SSH3: variants seen among roughly 807,000 people sequenced by gnomAD.
The protein encoded by SSH3 is slingshot protein phosphatase 3, also known as protein phosphatase Slingshot homolog 3.
SSH3 carries 67 observed loss-of-function variants against 75.0 expected under a neutral mutation model. That is an observed-to-expected ratio of 0.89 (90% CI 0.73 to 1.10). The LOEUF (loss-of-function observed/expected upper bound fraction) is 1.10, where lower values mean the gene tolerates loss of function less well. Among genes scored for constraint, SSH3 ranks in the 50% least tolerant of loss-of-function variants. The pLI, the probability that SSH3 is intolerant of heterozygous loss-of-function variation, is 0.00. For synonymous variants in SSH3, 318 were observed against 349.2 expected, an observed-to-expected ratio of 0.91 and a Z score of 1.00; for missense variants, 824 against 872.7, an observed-to-expected ratio of 0.94 and a Z score of 0.70.
Position 67,307,414 on chromosome 11 carries a change from C to T in SSH3, c.580C>T (p.Pro194Ser), listed in dbSNP as rs1861276529. 5 of 1,614,040 alleles carry T rather than the reference C, an allele frequency of 3.1e-6. No homozygotes were observed. The highest frequency in any genetic ancestry group is 4.2e-6 in the Non-Finnish European group (5 of 1,180,022). Reference protein sequence around the residue: ...TSGGQSRIFKPISIQTMWATL... With the variant: ...TSGGQSRIFKSISIQTMWATL... ...TGGTGGGCAAAGCCGGATCTTCAAG[C>T]CCATCTCCATCCAGACCATGTGGTA... The change falls in exon 6 of 14, where the codon CCC becomes TCC. Residue 194 changes from proline (P) to serine (S), a missense_variant. Physicochemically the swap from Pro to Ser is moderately conservative, Grantham distance 74. Coordinates refer to ENST00000308127, the MANE Select transcript of SSH3 (RefSeq NM_017857.4). The surrounding 1 kb of genome is among the most constrained non-coding windows in gnomAD (Gnocchi z 4.2).
At position 67,312,057 on chromosome 11, in the gene SSH3, C is replaced by T. The variant is rs1201623601; in HGVS notation, c.*170C>T. On this transcript the variant is annotated 3_prime_UTR_variant, in exon 14 of 14. Transcript: ENST00000308127. ...ACGGCCTCACCTCCCACCCCTGTCACTACAGCCTCACCTCCTACAGCCTTA... is the reference window on the plus strand; with the variant it reads ...ACGGCCTCACCTCCCACCCCTGTCATTACAGCCTCACCTCCTACAGCCTTA... 3.5e-6 allele frequency: 3 copies of T among 865,522 alleles called. No individual in the cohort carries two copies. The highest frequency in any genetic ancestry group is 7.3e-5 in the Admixed American group (2 of 27,500). The allele number at this position is 865,522 out of a possible 1,614,324, so 53.6% of individuals were successfully genotyped here.
At position 67,304,988 on chromosome 11, in the gene SSH3, C is replaced by G; in HGVS notation, c.320C>G (p.Pro107Arg). 1 of 1,611,624 alleles carries G rather than the reference C, an allele frequency of 6.2e-7. No individual in the cohort carries two copies. The highest frequency in any genetic ancestry group is 8.5e-7 in the Non-Finnish European group (1 of 1,179,564). ...HLHLMVQLLR[P>R]QDDIRLAAQL... The stretch of plus-strand genomic sequence containing the variant: ...CACCTCATGGTACAGCTGCTGAGGC[C>G]GCAGGATGACATCCGCCTGGTGAGG... The change falls in exon 3 of 14, where the codon CCG becomes CGG. Residue 107 changes from proline (P) to arginine (R), a missense_variant. Pro to Arg is a moderately radical substitution (Grantham distance 103). Coordinates refer to ENST00000308127, the MANE Select transcript of SSH3 (RefSeq NM_017857.4).
chr11:67,309,362 C>T (rs963263337), intron 10 of SSH3, 35 bp from the exon 11 acceptor site: 1 of 1,613,114 alleles, frequency 6.2e-7, no homozygotes, highest in Non-Finnish European at 8.5e-7. Flanking sequence ...GGTACCTCTG[C>T]CCACATCAGC....
intron 3 of SSH3, among the ~76,000 whole-genome samples, chr11:67,305,278 C>T (rs1328239753): frequency 6.6e-6 from 1 of 151,990 alleles, no homozygotes; most frequent in Non-Finnish European, 1.5e-5. Flanking sequence ...GTTCCACCTC[C>T]CGGGTTCACA....
chr11:67,310,964 T>C (rs923805599), intron 13 of SSH3, among the ~76,000 whole-genome samples: 9 of 152,170 alleles, frequency 5.9e-5, no homozygotes, highest in Non-Finnish European at 1.0e-4. Context: ...CCTGCCTAAG[T>C]CAGCACCCTT....
In SSH3 at chr11:67,311,970, C is replaced by T. The variant is rs1046486929; in HGVS notation, c.*83C>T. 14 of 1,560,840 alleles carry T rather than the reference C, an allele frequency of 9.0e-6. 1 individual carries two copies. The Admixed American group carries it at 2.9e-4, about 32-fold the overall frequency. On this transcript the variant is annotated 3_prime_UTR_variant, in exon 14 of 14. Transcript: ENST00000308127. ...AAACACCCTCACGTCTGTTGCCGCA[C>T]ACATTCCTCTCAGCTCCGCCCCATA...
chr11:67,304,808 G>C lies in SSH3; in HGVS notation c.140G>C (p.Gly47Ala). 1.2e-6 allele frequency: 2 copies of C among 1,611,992 alleles called. No individual in the cohort carries two copies. The highest frequency in any genetic ancestry group is 1.7e-6 in the Non-Finnish European group (2 of 1,179,312). The change falls in exon 3 of 14, where the codon GGA becomes GCA. Residue 47 changes from glycine to alanine, a missense_variant. Coordinates refer to ENST00000308127, the MANE Select transcript of SSH3 (RefSeq NM_017857.4). ...GCGGTGCTCCGTGGGGCTGTCCTGG[G>C]ACTGCAGGATGGAGGGGACAATGAT... Reference protein sequence around the residue: ...SFAVLRGAVLGLQDGGDNDDA... With the variant: ...SFAVLRGAVLALQDGGDNDDA...
In SSH3 at chr11:67,309,479, G is replaced by T. The variant is rs774957773; in HGVS notation, c.1144G>T (p.Asp382Tyr). The change falls in exon 11 of 14, where the codon GAT becomes TAT. Residue 382 changes from aspartate (D) to tyrosine (Y), a missense_variant. Asp to Tyr is a radical substitution (Grantham distance 160). Coordinates refer to ENST00000308127, the MANE Select transcript of SSH3 (RefSeq NM_017857.4). ...RFTYHNVRLW[D>Y]EESAQLLPHW... is the part of the protein sequence containing the mutation. ...CACCTACCACAATGTGCGCCTCTGG[G>T]ATGAGGAGTCGGCCCAGCTGCTGCC... The T allele has an allele frequency of 6.2e-6, 10 of 1,614,180 alleles. No homozygotes were observed. Among genetic ancestry groups the T allele is most frequent in the Non-Finnish European group, 8.5e-6 (10 of 1,180,050 alleles).
At position 67,303,648 on chromosome 11, in the gene SSH3, G is replaced by C. The variant is rs1173733184; in HGVS notation, c.23G>C (p.Arg8Pro). 3.3e-6 allele frequency: 5 copies of C among 1,513,886 alleles called. No individual in the cohort carries two copies. Among genetic ancestry groups the C allele is most frequent in the East Asian group, 2.7e-5 (1 of 37,712 alleles). 93.8% of individuals were successfully genotyped at this position (1,513,886 alleles called of 1,614,324 possible). ...TCCATGGCCCTGGTCACAGTGAGCC[G>C]TTCGCCCCCGGGCAGCGGCGCCTCC... Reference protein sequence around the residue: MALVTVSRSPPGSGASTP... With the variant: MALVTVSPSPPGSGASTP... The change falls in exon 1 of 14, where the codon CGT (arginine) becomes CCT (proline). Residue 8 changes from arginine to proline, a missense_variant. Transcript: ENST00000308127.
In SSH3 at chr11:67,306,853, G is replaced by C; in HGVS notation, c.355G>C (p.Ala119Pro). 1 of 1,611,708 alleles carries C rather than the reference G, an allele frequency of 6.2e-7. No individual in the cohort carries two copies. Residue 119 changes from alanine (A) to proline (P), a missense_variant, in exon 4 of 14, where the codon GCA becomes CCA. Transcript: ENST00000308127. ...CTCCCCCCAGGCAGCCCAGCTGGAG[G>C]CACCCCGGCCTCCCCGGCTCCGCTA... ...DDIRLAAQLE[A>P]PRPPRLRYLL...
chr11:67,306,309 C>T (rs1421432068), intron 3 of SSH3, among the ~76,000 whole-genome samples: 1 of 148,302 alleles, frequency 6.7e-6, no homozygotes, highest in East Asian at 2.0e-4. Flanking sequence ...AAAGAAAAAA[C>T]CTCCTTCTTG....
At chr11:67,304,300 T>C (rs1861164121) in intron 2 of SSH3, 145 bp downstream of exon 2, 2 of 678,640 alleles carry the variant, frequency 2.9e-6, no homozygotes, top group African/African-American at 1.8e-5. Context: ...GCGTTCCCGG[T>C]GGGGCCGGCT....
chr11:67,311,273 GAGAAA>G, intron 13 of SSH3, among the ~76,000 whole-genome samples: 1 of 152,224 alleles, frequency 6.6e-6, no homozygotes, highest in Non-Finnish European at 1.5e-5. Context: ...CGCAAAGGCA[GAGAAA>G]GCATAGGAGG....
At position 67,307,789 on chromosome 11, in the gene SSH3, G is replaced by C. The variant is rs775829906; in HGVS notation, c.791+52G>C. The C allele has an allele frequency of 7.4e-6, 12 of 1,613,868 alleles. No individual in the cohort carries two copies. Among genetic ancestry groups the C allele is most frequent in the Non-Finnish European group, 9.3e-6 (11 of 1,180,012 alleles). On this transcript the variant is annotated intron_variant, in intron 7 of 13. Coordinates refer to ENST00000308127, the MANE Select transcript of SSH3 (RefSeq NM_017857.4). This position sits in a 1 kb window ranked among gnomAD's most constrained non-coding sequence, Gnocchi z 4.2. ...GTGGAGGGGAAGGCAGGATAATGCAGTGGGGGGCATGGTGGAGAGGGGAAA... is the reference window on the plus strand; with the variant it reads ...GTGGAGGGGAAGGCAGGATAATGCACTGGGGGGCATGGTGGAGAGGGGAAA...
chr11:67,312,186 T>C lies in SSH3; in HGVS notation c.*299T>C. The C allele has an allele frequency of 2.1e-6, 1 of 468,440 alleles. No homozygotes were observed. Among genetic ancestry groups the C allele is most frequent in the Non-Finnish European group, 3.8e-6 (1 of 261,724 alleles). The allele number at this position is 468,440 out of a possible 1,614,324, so 29.0% of individuals were successfully genotyped here. On this transcript the variant is annotated 3_prime_UTR_variant, in exon 14 of 14. Transcript: ENST00000308127. Reference sequence around the variant, plus strand: ...TGGGGGCAACAGCACCCTAGTTTCATTCTCAACTCTAGCCCTGCACACTCA... The same window carrying C: ...TGGGGGCAACAGCACCCTAGTTTCACTCTCAACTCTAGCCCTGCACACTCA...
Position 67,306,940 on chromosome 11 carries a change from G to C in SSH3, c.442G>C (p.Gly148Arg). The change falls in exon 4 of 14, where the codon GGC becomes CGC. Residue 148 changes from glycine (G) to arginine (R), a missense_variant. Coordinates refer to ENST00000308127, the MANE Select transcript of SSH3 (RefSeq NM_017857.4). ...GLSQDETVLL[G>R]VDFPDSSSPS... Reference sequence around the variant, plus strand: ...GAGCCAGGATGAGACGGTCCTCCTGGGCGTGGATTTCCCTGACAGCAGGTT... The same window carrying C: ...GAGCCAGGATGAGACGGTCCTCCTGCGCGTGGATTTCCCTGACAGCAGGTT... The C allele has an allele frequency of 6.2e-7, 1 of 1,613,006 alleles. No individual in the cohort carries two copies. Among genetic ancestry groups the C allele is most frequent in the Non-Finnish European group, 8.5e-7 (1 of 1,179,126 alleles).
In SSH3 at chr11:67,307,058, C is replaced by T. The variant is rs1861266530; in HGVS notation, c.481C>T (p.Leu161=). Reference sequence around the variant, plus strand: ...CCCTGCCAGCTCCCCCAGCTGCACCCTGGGCCTGGTCTTGCCCCTCTGGAG... The same window carrying T: ...CCCTGCCAGCTCCCCCAGCTGCACCTTGGGCCTGGTCTTGCCCCTCTGGAG... ...FPDSSSPSCT[L]GLVLPLWSDT... Residue 161 remains leucine (L), a synonymous_variant, in exon 5 of 14, where the codon CTG becomes TTG. Transcript: ENST00000308127. The surrounding 1 kb of genome is among the most constrained non-coding windows in gnomAD (Gnocchi z 4.2). The T allele has an allele frequency of 6.2e-7, 1 of 1,614,024 alleles. No individual in the cohort carries two copies. Among genetic ancestry groups the T allele is most frequent in the Non-Finnish European group, 8.5e-7 (1 of 1,180,014 alleles).
intron 11 of SSH3, 58 bp downstream of exon 11, chr11:67,309,601 C>T: frequency 6.3e-7 from 1 of 1,592,712 alleles, no homozygotes; most frequent in South Asian, 1.1e-5. Context: ...CTCCGGTGCC[C>T]TCCTCCTGCC....
rs1429535900 is a variant in SSH3, at chr11:67,304,998, C to T, written c.330C>T (p.Asp110=). Residue 110 remains aspartate (D), a synonymous_variant, in exon 3 of 14, where the codon GAC becomes GAT. Transcript: ENST00000308127. ...TACAGCTGCTGAGGCCGCAGGATGA[C>T]ATCCGCCTGGTGAGGGCCCATGTGG... ...LMVQLLRPQD[D]IRLAAQLEAP... 6.2e-7 allele frequency: 1 copy of T among 1,610,132 alleles called. No homozygotes were observed. Among genetic ancestry groups the T allele is most frequent in the African/African-American group, 1.3e-5 (1 of 74,946 alleles).
Sources: allele counts gnomAD v4.1 joint callset (sites outside exome capture counted in the v4.1 genomes callset), GRCh38; gene constraint gnomAD v4.1.1; non-coding constraint Gnocchi (gnomAD v3.1); transcripts MANE v1.5; gene names NCBI Gene and HGNC (gene_info 2026-07-23, HGNC 2026-07-21).